CDC42BPA: variants seen among roughly 807,000 people sequenced by gnomAD.
CDC42BPA encodes the protein CDC42 binding protein kinase alpha, also known as serine/threonine-protein kinase MRCK alpha.
CDC42BPA carries 80 observed loss-of-function variants against 223.5 expected under a neutral mutation model. The ratio of observed to expected loss-of-function variants is 0.36; its 90% CI spans 0.30 to 0.43. The LOEUF (loss-of-function observed/expected upper bound fraction) is 0.43, where lower values mean the gene tolerates loss of function less well. Among genes scored for constraint, CDC42BPA ranks in the 20% least tolerant of loss-of-function variants. CDC42BPA has a pLI of 1.00. For missense variants in CDC42BPA, 1,743 were observed against 2,099.9 expected (o/e 0.83, Z 3.32); for synonymous variants, 694 against 718.6 (o/e 0.97, Z 0.55).
intron 21 of CDC42BPA, among the ~76,000 whole-genome samples, chr1:227,065,949 T>C (rs1157069671): frequency 6.6e-6 from 1 of 152,118 alleles, no homozygotes; most frequent in African/African-American, 2.4e-5. Flanking sequence ...ATCTCCTCTA[T>C]AGCAACGAGA....
At chr1:227,129,280 T>G (rs748200711) in intron 10 of CDC42BPA, 49 bp from the exon 11 acceptor site, 1 of 1,292,002 alleles carries the variant, frequency 7.7e-7, no homozygotes, top group South Asian at 1.4e-5. Context: ...TACTCTAAAT[T>G]CTTAAAACTA....
intron 6 of CDC42BPA, among the ~76,000 whole-genome samples, chr1:227,154,122 C>T (rs115642381): frequency 0.037 from 5,666 of 151,840 alleles, 123 homozygotes; most frequent in Non-Finnish European, 0.054. Flanking sequence ...AATGATTTAA[C>T]AATGGAAAAG....
At chr1:227,076,783 C>A (rs1053160758) in intron 17 of CDC42BPA, among the ~76,000 whole-genome samples, 3 of 152,124 alleles carry the variant, frequency 2.0e-5, no homozygotes, top group African/African-American at 7.2e-5. Context: ...TAAACATGTA[C>A]AAACTCTACC....
chr1:226,997,687 T>C (rs531858863), intron 35 of CDC42BPA, among the ~76,000 whole-genome samples: 7 of 152,366 alleles, frequency 4.6e-5, no homozygotes, highest in Non-Finnish European at 8.8e-5. Flanking sequence ...CTTATTTATT[T>C]CTGCCTTCAT....
chr1:227,269,422 A>G (rs1167942776), intron 1 of CDC42BPA, among the ~76,000 whole-genome samples: 1 of 152,238 alleles, frequency 6.6e-6, no homozygotes, highest in Non-Finnish European at 1.5e-5. Flanking sequence ...TACTAGGAAA[A>G]TATAATGGAG....
rs116016048 is a variant in CDC42BPA, at chr1:227,303,023, G to T, written c.178+13982C>A. Among the ~76,000 whole-genome samples, 207 of 108,560 alleles carry T rather than the reference G, an allele frequency of 1.9e-3. 1 individual carries two copies. Among genetic ancestry groups the T allele is most frequent in the African/African-American group, 6.8e-3 (200 of 29,430 alleles). The allele number at this position is 108,560 out of a possible 152,430, so 71.2% of individuals were successfully genotyped here. A position where few individuals can be genotyped will look rare whatever the true frequency, so the allele number is the denominator to read the frequency against. On this transcript the variant is annotated intron_variant, in intron 1 of 36. Coordinates refer to ENST00000366766, the MANE Select transcript of CDC42BPA (RefSeq NM_001394014.1). ...TTTTTTTGGGTTTTTTTTTTTTTTC[G>T]AAGTTATGCTTTCCCTGAAAAGTAT...
At chr1:227,095,388 T>C (rs1030116432) in intron 15 of CDC42BPA, among the ~76,000 whole-genome samples, 2 of 152,160 alleles carry the variant, frequency 1.3e-5, no homozygotes, top group African/African-American at 4.8e-5. Context: ...AAAAGTTCAA[T>C]TAAATTTCCA....
intron 11 of CDC42BPA, among the ~76,000 whole-genome samples, chr1:227,122,310 A>G (rs1037110829): frequency 1.9e-4 from 29 of 152,162 alleles, no homozygotes; most frequent in Non-Finnish European, 3.2e-4. Flanking sequence ...CTACTTCTGA[A>G]GTGTTCTTCT....
At position 227,047,979 on chromosome 1, in the gene CDC42BPA, G is replaced by A. The variant is rs1396334130; in HGVS notation, c.3041C>T (p.Thr1014Ile). The change falls in exon 23 of 37, where the codon ACA becomes ATA. Residue 1014 changes from threonine to isoleucine, a missense_variant. Thr to Ile is a moderately conservative substitution (Grantham distance 89). Transcript: ENST00000366766. ...ACATCCTTTTTTCCTTAAGGTTGGT[G>A]TGTGAACTGAAAGTGGAGTGGAGTC... The part of the protein sequence containing the change: ...TVDSTPLSVH[T>I]PTLRKKGCPG... The A allele has an allele frequency of 1.2e-6, 2 of 1,611,544 alleles. No homozygotes were observed. Among genetic ancestry groups the A allele is most frequent in the Non-Finnish European group, 1.7e-6 (2 of 1,178,164 alleles).
At chr1:227,022,783 T>C (rs1009043362) in intron 32 of CDC42BPA, among the ~76,000 whole-genome samples, 1 of 152,218 alleles carries the variant, frequency 6.6e-6, no homozygotes, top group African/African-American at 2.4e-5. Context: ...CTCCCTCTCC[T>C]GATTCCAGGC....
chr1:226,995,029 A>C lies in CDC42BPA; in HGVS notation c.4976-49T>G, dbSNP rs761513638. 1.9e-6 allele frequency: 3 copies of C among 1,545,150 alleles called. No individual in the cohort carries two copies. In the South Asian group the frequency reaches 3.6e-5, roughly 18 times the overall value. On this transcript the variant is annotated intron_variant, in intron 35 of 36. Coordinates refer to ENST00000366766, the MANE Select transcript of CDC42BPA (RefSeq NM_001394014.1). ...ATTTTACATATGCAGAGGGGACAAT[A>C]CTCTAGAAAGCACACAGACTGCTGA...
chr1:227,167,703 C>A (rs1665284259), intron 5 of CDC42BPA, among the ~76,000 whole-genome samples: 1 of 152,064 alleles, frequency 6.6e-6, no homozygotes, highest in Admixed American at 6.6e-5. Flanking sequence ...CTGATGAGTT[C>A]AAGACAATGT....
intron 1 of CDC42BPA, among the ~76,000 whole-genome samples, chr1:227,267,690 G>A (rs1356330675): frequency 6.6e-6 from 1 of 152,144 alleles, no homozygotes; most frequent in Non-Finnish European, 1.5e-5. Flanking sequence ...ATGGCAGAAG[G>A]TGAAAAGGGA....
At chr1:227,233,282 CCA>C (rs1005681058) in intron 2 of CDC42BPA, among the ~76,000 whole-genome samples, 24 of 152,110 alleles carry the variant, frequency 1.6e-4, no homozygotes, top group Non-Finnish European at 2.8e-4. Context: ...TGTGATCCGC[CCA>C]CCTTGGCCTC....
intron 12 of CDC42BPA, among the ~76,000 whole-genome samples, chr1:227,119,084 A>G (rs1688219749): frequency 6.6e-6 from 1 of 152,126 alleles, no homozygotes; most frequent in African/African-American, 2.4e-5. Flanking sequence ...TTAATATATT[A>G]CATCATTGAA....
At chr1:227,069,639 T>C in intron 21 of CDC42BPA, 138 bp downstream of exon 21, 5 of 581,902 alleles carry the variant, frequency 8.6e-6, no homozygotes, top group Middle Eastern at 4.3e-4. Context: ...ATTCCTCTGC[T>C]AATATGTTTT....
intron 16 of CDC42BPA, among the ~76,000 whole-genome samples, chr1:227,089,500 A>G (rs1051976041): frequency 2.2e-4 from 34 of 152,260 alleles, no homozygotes; most frequent in Admixed American, 2.2e-3. Flanking sequence ...GATCTCTCCC[A>G]TTTCTTCAGG....
chr1:227,081,619 A>AT (rs1291297858), intron 16 of CDC42BPA, among the ~76,000 whole-genome samples: 1 of 151,728 alleles, frequency 6.6e-6, no homozygotes, highest in Admixed American at 6.6e-5. Flanking sequence ...CGCCCGGCTA[A>AT]TTTTTTGTCT....
intron 3 of CDC42BPA, among the ~76,000 whole-genome samples, chr1:227,207,501 G>T (rs1672997056): frequency 7.5e-6 from 1 of 133,510 alleles, no homozygotes; most frequent in Non-Finnish European, 1.6e-5. Flanking sequence ...ATCTCCCAAT[G>T]CTATCCCTCC....
Sources: gnomAD v4.1 joint callset for allele counts (sites outside exome capture counted in the v4.1 genomes callset) on GRCh38, gnomAD v4.1.1 for gene constraint, MANE v1.5 for transcripts, NCBI Gene and HGNC (gene_info 2026-07-23, HGNC 2026-07-21) for gene names.